The following MYO1D variants were observed in gnomAD, a reference collection of about 807,000 sequenced individuals.
MYO1D encodes unconventional myosin-Id.
Under a neutral mutation model 122.0 loss-of-function variants are expected in MYO1D, and 83 were observed. That is an observed-to-expected ratio of 0.68 (90% CI 0.57 to 0.82). The LOEUF (loss-of-function observed/expected upper bound fraction) is 0.82. Among genes scored for constraint, MYO1D ranks in the 40% least tolerant of loss-of-function variants. The pLI is 0.00. For missense variants in MYO1D, 1,157 were observed against 1,269.5 expected (o/e 0.91, Z 1.35); for synonymous variants, 464 against 446.9 (o/e 1.04, Z -0.48).
At chr17:32,818,932 AAGAGAATTCTACT>A (rs1407866349) in intron 1 of MYO1D, among the ~76,000 whole-genome samples, 3 of 152,314 alleles carry the variant, frequency 2.0e-5, no homozygotes, top group African/African-American at 7.2e-5. Flanking sequence ...ATAGAAATAA[AAGAGAATTCTACT>A]AGAGAGATAG....
At chr17:32,632,640 T>TAA (rs2088035751) in intron 20 of MYO1D, among the ~76,000 whole-genome samples, 10 of 143,706 alleles carry the variant, frequency 7.0e-5, no homozygotes, top group African/African-American at 2.5e-4. Flanking sequence ...TATATATATA[T>TAA]AAATAGGCAA....
chr17:32,505,617 A>G (rs1909479444), intron 21 of MYO1D: 1 of 152,218 alleles, frequency 6.6e-6, no homozygotes. Flanking sequence ...TCTGCCTTCC[A>G]GCCTGGCAAA....
At chr17:32,597,819 A>C (rs1488725008) in intron 21 of MYO1D, among the ~76,000 whole-genome samples, 3 of 149,740 alleles carry the variant, frequency 2.0e-5, no homozygotes, top group African/African-American at 4.9e-5. Context: ...CAGTGAGCCA[A>C]GATTGTGCCA....
At chr17:32,580,090 A>T (rs1213595138) in intron 21 of MYO1D, among the ~76,000 whole-genome samples, 1 of 152,196 alleles carries the variant, frequency 6.6e-6, no homozygotes, top group African/African-American at 2.4e-5. Context: ...ATAAAATGAC[A>T]ATACAAATTA....
At chr17:32,535,818 T>A (rs185931668) in intron 21 of MYO1D, among the ~76,000 whole-genome samples, 176 of 152,340 alleles carry the variant, frequency 1.2e-3, no homozygotes, top group Middle Eastern at 6.8e-3. Context: ...CAATAGCGTT[T>A]AGATAATATC....
At chr17:32,534,523 A>G (rs1331701394) in intron 21 of MYO1D, among the ~76,000 whole-genome samples, 1 of 152,206 alleles carries the variant, frequency 6.6e-6, no homozygotes, top group African/African-American at 2.4e-5. Context: ...TAATGAGGGC[A>G]CATATAGACA....
At chr17:32,597,288 T>C (rs1020187736) in intron 21 of MYO1D, among the ~76,000 whole-genome samples, 4 of 152,210 alleles carry the variant, frequency 2.6e-5, no homozygotes, top group Non-Finnish European at 5.9e-5. Flanking sequence ...TTCTACCTCT[T>C]TCTCCCTGTA....
At chr17:32,551,932 T>A (rs562611429) in intron 21 of MYO1D, among the ~76,000 whole-genome samples, 273 of 152,292 alleles carry the variant, frequency 1.8e-3, no homozygotes, top group Non-Finnish European at 3.4e-3. Context: ...TCAAATCTCC[T>A]CCAGTAAACA....
intron 21 of MYO1D, among the ~76,000 whole-genome samples, chr17:32,501,732 CCTGT>C (rs965483118): frequency 7.9e-5 from 12 of 152,218 alleles, no homozygotes; most frequent in African/African-American, 1.4e-4. Context: ...CACACCTTGC[CCTGT>C]CTGTCTCTTT....
intron 21 of MYO1D, among the ~76,000 whole-genome samples, chr17:32,515,093 T>A (rs888101467): frequency 1.3e-5 from 2 of 152,178 alleles, no homozygotes; most frequent in Non-Finnish European, 2.9e-5. Context: ...CCATTAATGT[T>A]TGTTAATGGA....
At chr17:32,780,861 T>C (rs762742555) in intron 1 of MYO1D, 77 bp from the exon 2 acceptor site, 18 of 1,401,348 alleles carry the variant, frequency 1.3e-5, no homozygotes, top group Non-Finnish European at 1.7e-5. Context: ...GAGTCTCTTA[T>C]TTCCAAGGAA....
chr17:32,803,441 G>A (rs9902227), intron 1 of MYO1D, among the ~76,000 whole-genome samples: 6 of 152,054 alleles, frequency 3.9e-5, no homozygotes, highest in South Asian at 4.2e-4. Context: ...CCACCACGCC[G>A]GGCCCAGAAC....
chr17:32,823,202 T>C (rs2090690166), intron 1 of MYO1D, among the ~76,000 whole-genome samples: 1 of 152,046 alleles, frequency 6.6e-6, no homozygotes, highest in Non-Finnish European at 1.5e-5. Context: ...AGAATGCTGA[T>C]GAGAGGTTGG....
At chr17:32,828,558 G>A (rs1203579700) in intron 1 of MYO1D, among the ~76,000 whole-genome samples, 1 of 150,948 alleles carries the variant, frequency 6.6e-6, no homozygotes, top group African/African-American at 2.4e-5. Flanking sequence ...ACAGGAAACA[G>A]GTGTGTACGT....
rs184723230 is a variant in MYO1D, at chr17:32,775,191, C to T, written c.564+673G>A. On this transcript the variant is annotated intron_variant, in intron 4 of 21. Transcript: ENST00000318217. ...TGGGCCATGCCTGTGGTCCCAGCTA[C>T]TCAGGAGGCTGAGGTGGGAGGATTG... 3.2e-4 allele frequency among the ~76,000 whole-genome samples: 48 copies of T among 152,226 alleles called. 1 individual carries two copies. Among genetic ancestry groups the T allele is most frequent in the Middle Eastern group, 6.8e-3 (2 of 294 alleles).
chr17:32,809,412 C>T (rs1215320167), intron 1 of MYO1D, among the ~76,000 whole-genome samples: 1 of 150,162 alleles, frequency 6.7e-6, no homozygotes, highest in Non-Finnish European at 1.5e-5. Flanking sequence ...AGGCATGAGC[C>T]ACTGTATCTG....
intron 16 of MYO1D, among the ~76,000 whole-genome samples, chr17:32,688,766 A>G (rs947833735): frequency 6.6e-6 from 1 of 152,140 alleles, no homozygotes; most frequent in African/African-American, 2.4e-5. Flanking sequence ...AAAACCTAAG[A>G]TTGTGATGCT....
intron 20 of MYO1D, among the ~76,000 whole-genome samples, chr17:32,605,828 C>A (rs2087620394): frequency 6.6e-6 from 1 of 152,088 alleles, no homozygotes; most frequent in South Asian, 2.1e-4. Flanking sequence ...CACCTGTAAT[C>A]CTAGCACTTT....
intron 16 of MYO1D, among the ~76,000 whole-genome samples, chr17:32,711,426 T>C (rs2089374703): frequency 6.6e-6 from 1 of 152,212 alleles, no homozygotes; most frequent in Non-Finnish European, 1.5e-5. Context: ...GGTGGGCAGA[T>C]CACGAGGTCA....
Sources: gnomAD v4.1 joint callset for allele counts (sites outside exome capture counted in the v4.1 genomes callset) on GRCh38, gnomAD v4.1.1 for gene constraint, MANE v1.5 for transcripts, NCBI Gene and HGNC (gene_info 2026-07-23, HGNC 2026-07-21) for gene names.